The following SEMA3D variants were observed in gnomAD, a reference collection of about 807,000 sequenced individuals.
SEMA3D encodes the protein semaphorin 3D, also known as semaphorin-3D.
Under a neutral mutation model 100.1 loss-of-function variants are expected in SEMA3D, and 84 were observed. The ratio of observed to expected loss-of-function variants is 0.84; its 90% CI spans 0.70 to 1.01. SEMA3D has a LOEUF of 1.01. Among genes scored for constraint, SEMA3D ranks in the 50% least tolerant of loss-of-function variants. SEMA3D has a pLI of 0.00. For missense variants in SEMA3D, 875 were observed against 934.1 expected (o/e 0.94, Z 0.82); for synonymous variants, 312 against 320.7 (o/e 0.97, Z 0.29).
the SEMA3D span, among the ~76,000 whole-genome samples, chr7:85,223,774 G>C: frequency 6.6e-6 from 1 of 151,920 alleles, no homozygotes; most frequent in Non-Finnish European, 1.5e-5. Context: ...AGGGGTGAGG[G>C]GGGTGCAGGA....
chr7:85,074,703 G>A (rs976866316), intron 5 of SEMA3D, among the ~76,000 whole-genome samples: 7 of 151,272 alleles, frequency 4.6e-5, no homozygotes, highest in African/African-American at 1.7e-4. Context: ...TGCAGCCTCC[G>A]CTTCCCAGGC....
At chr7:85,033,858 T>TACACACTCACAC (rs1790614648) in intron 12 of SEMA3D, among the ~76,000 whole-genome samples, 1 of 141,096 alleles carries the variant, frequency 7.1e-6, no homozygotes, top group Non-Finnish European at 1.6e-5. Flanking sequence ...ATCACACACA[T>TACACACTCACAC]ACACACACAC....
intron 3 of SEMA3D, among the ~76,000 whole-genome samples, chr7:85,103,392 C>G (rs1030253128): frequency 2.6e-5 from 4 of 151,966 alleles, no homozygotes; most frequent in African/African-American, 9.7e-5. Flanking sequence ...CTTGGGCATG[C>G]GATTTTTGAG....
intron 8 of SEMA3D, among the ~76,000 whole-genome samples, chr7:85,063,872 C>A (rs1454192890): frequency 6.6e-6 from 1 of 152,172 alleles, no homozygotes; most frequent in Admixed American, 6.5e-5. Context: ...GCAAGGCGTT[C>A]ATCATCCCTG....
At chr7:85,121,696 T>C (rs1789417225) in intron 3 of SEMA3D, 45 bp downstream of exon 3, 1 of 1,103,052 alleles carries the variant, frequency 9.1e-7, no homozygotes, top group Non-Finnish European at 1.3e-6. Flanking sequence ...AAAAAAGACA[T>C]TTCAAAATCT....
At chr7:85,244,932 G>C in the SEMA3D span, among the ~76,000 whole-genome samples, 25 of 152,032 alleles carry the variant, frequency 1.6e-4, no homozygotes, top group Non-Finnish European at 3.2e-4. Context: ...GGATGTTCTT[G>C]ATCTCCTGAC....
chr7:85,050,235 A>G (rs890869928), intron 9 of SEMA3D: 6 of 151,932 alleles, frequency 3.9e-5, no homozygotes, highest in African/African-American at 1.4e-4. Context: ...GGTTTTGCCT[A>G]TTCATTCAAT....
the SEMA3D span, among the ~76,000 whole-genome samples, chr7:85,231,352 A>G: frequency 6.8e-6 from 1 of 147,924 alleles, no homozygotes. Flanking sequence ...AAACTGCTGT[A>G]TGTTTTTTAG....
intron 2 of SEMA3D, chr7:85,140,488 A>G (rs921585961): frequency 4.1e-6 from 4 of 983,432 alleles, no homozygotes; most frequent in African/African-American, 1.7e-5. Context: ...GATCACTTAC[A>G]TTAAAAAGAA....
At chr7:85,103,098 C>CAGGG (rs1788799368) in intron 3 of SEMA3D, among the ~76,000 whole-genome samples, 1 of 152,074 alleles carries the variant, frequency 6.6e-6, no homozygotes, top group African/African-American at 2.4e-5. Context: ...GACTTTGGGA[C>CAGGG]AGGGATTGGA....
At chr7:85,222,890 C>A in the SEMA3D span, among the ~76,000 whole-genome samples, 1 of 152,002 alleles carries the variant, frequency 6.6e-6, no homozygotes, top group Admixed American at 6.6e-5. Context: ...AGAAAATTTT[C>A]GCAAACCATG....
intron 8 of SEMA3D, among the ~76,000 whole-genome samples, chr7:85,058,679 C>T (rs1320020431): frequency 4.8e-5 from 7 of 144,700 alleles, no homozygotes; most frequent in South Asian, 2.3e-4. Flanking sequence ...ACCCGGGAGG[C>T]GCAGCTTGCA....
chr7:85,060,446 A>T (rs74534422), intron 8 of SEMA3D, among the ~76,000 whole-genome samples: 4,710 of 152,270 alleles, frequency 0.031, 246 homozygotes, highest in African/African-American at 0.11. Flanking sequence ...TCATTTAATC[A>T]GTGCATACTT....
the SEMA3D span, among the ~76,000 whole-genome samples, chr7:85,209,452 G>T: frequency 6.6e-6 from 1 of 151,850 alleles, no homozygotes; most frequent in Admixed American, 6.6e-5. Flanking sequence ...GCCTCTGAAG[G>T]GATGATGGGG....
chr7:85,214,683 T>G, the SEMA3D span, among the ~76,000 whole-genome samples: 1 of 151,772 alleles, frequency 6.6e-6, no homozygotes, highest in Non-Finnish European at 1.5e-5. Flanking sequence ...TTTAGTAGAG[T>G]TGGGGTTTCA....
At chr7:85,198,446 C>T in the SEMA3D span, among the ~76,000 whole-genome samples, 24 of 152,004 alleles carry the variant, frequency 1.6e-4, no homozygotes, top group Non-Finnish European at 2.7e-4. Context: ...TTCAGGAATA[C>T]TATTATATAA....
chr7:85,023,385 A>G lies in SEMA3D; in HGVS notation c.1192-772T>C, dbSNP rs143028571. ...TAATTAGACTTTTTTTTTCCAGAAA[A>G]TATCACCTCTCCCACATCCTAAATC... On this transcript the variant is annotated intron_variant, in intron 12 of 18. Transcript: ENST00000284136. Among the ~76,000 whole-genome samples the G allele has an allele frequency of 7.2e-5, 11 of 151,972 alleles. No individual in the cohort carries two copies. In the East Asian group the frequency reaches 1.9e-3, roughly 27 times the overall value.
intron 8 of SEMA3D, among the ~76,000 whole-genome samples, chr7:85,063,218 A>C (rs1462709566): frequency 6.6e-6 from 1 of 152,210 alleles, no homozygotes; most frequent in Non-Finnish European, 1.5e-5. Context: ...TTCAGGAATT[A>C]AGCACAAATA....
chr7:85,149,246 A>G (rs1321908695), intron 2 of SEMA3D, among the ~76,000 whole-genome samples: 1 of 152,038 alleles, frequency 6.6e-6, no homozygotes, highest in African/African-American at 2.4e-5. Flanking sequence ...GGAGTTCAAG[A>G]CCAGCCTGGA....
Sources: allele counts gnomAD v4.1 joint callset (sites outside exome capture counted in the v4.1 genomes callset), GRCh38; gene constraint gnomAD v4.1.1; transcripts MANE v1.5; gene names NCBI Gene and HGNC (gene_info 2026-07-23, HGNC 2026-07-21).